Variants in KCNG4 observed in about 807,000 individuals in gnomAD.
The protein encoded by KCNG4 is potassium voltage-gated channel modifier subfamily G member 4.
Under a neutral mutation model 28.2 loss-of-function variants are expected in KCNG4, and 30 were observed. The observed-to-expected ratio is 1.06, with a 90% CI of 0.80 to 1.44. The LOEUF (loss-of-function observed/expected upper bound fraction) is 1.44. Among genes scored for constraint, KCNG4 ranks in the 40% most tolerant of loss-of-function variants. The pLI is 0.00. For missense variants in KCNG4, 879 were observed against 712.3 expected (o/e 1.23, Z -2.66); for synonymous variants, 375 against 315.5 (o/e 1.19, Z -2.00).
chr16:84,230,500 G>A (rs1253417721), intron 2 of KCNG4, among the ~76,000 whole-genome samples: 2 of 150,530 alleles, frequency 1.3e-5, no homozygotes, highest in South Asian at 2.1e-4. Flanking sequence ...TGAACCCGGG[G>A]GGCAGAGCTT....
At chr16:84,225,069 C>T (rs545208317) in intron 2 of KCNG4, among the ~76,000 whole-genome samples, 1 of 152,302 alleles carries the variant, frequency 6.6e-6, no homozygotes, top group Admixed American at 6.5e-5. Flanking sequence ...GTGCACCTAG[C>T]AGGCACAGGA....
At chr16:84,238,407 C>T (rs534385298) in intron 1 of KCNG4, among the ~76,000 whole-genome samples, 23 of 152,322 alleles carry the variant, frequency 1.5e-4, no homozygotes, top group South Asian at 1.2e-3. Context: ...CGCTTAATCC[C>T]TCTTGGTCGC....
At chr16:84,231,678 C>A (rs957288287) in intron 2 of KCNG4, among the ~76,000 whole-genome samples, 1 of 152,108 alleles carries the variant, frequency 6.6e-6, no homozygotes, top group African/African-American at 2.4e-5. Context: ...CAGGGGTAGA[C>A]GTGACCTGCC....
At position 84,237,380 on chromosome 16, in the gene KCNG4, T is replaced by C. The variant is rs374739788; in HGVS notation, c.106A>G (p.Ile36Val). 7 of 1,538,404 alleles carry C rather than the reference T, an allele frequency of 4.6e-6. No individual in the cohort carries two copies. Among genetic ancestry groups the C allele is most frequent in the Middle Eastern group, 1.8e-4 (1 of 5,712 alleles). Residue 36 changes from isoleucine (I) to valine (V), a missense_variant, in exon 2 of 3, where the codon ATC (isoleucine) becomes GTC (valine). Coordinates refer to ENST00000308251, the MANE Select transcript of KCNG4 (RefSeq NM_172347.3). ...LLSSPMETPSIKGLYYRRVRK... is the reference protein window; with the variant it reads ...LLSSPMETPSVKGLYYRRVRK... ...ACCCTCCGGTAGTAAAGGCCCTTGA[T>C]GGACGGCGTCTCCATGGGGCTGGAC...
At chr16:84,223,531 C>G (rs1248996565) in intron 2 of KCNG4, among the ~76,000 whole-genome samples, 1 of 152,124 alleles carries the variant, frequency 6.6e-6, no homozygotes, top group African/African-American at 2.4e-5. Context: ...TTTGTTATAG[C>G]TGCCAGCCTG....
intron 2 of KCNG4, among the ~76,000 whole-genome samples, chr16:84,234,568 A>G (rs1302734175): frequency 6.6e-6 from 1 of 152,244 alleles, no homozygotes; most frequent in African/African-American, 2.4e-5. Context: ...GTAGAAAAAC[A>G]GAAACTGCTT....
rs1467713298 is a variant in KCNG4 at position 84,226,826 on chromosome 16, C to T, written c.757-3806G>A. On this transcript the variant is annotated intron_variant, in intron 2 of 2. Transcript: ENST00000308251. This position sits in a 1 kb window ranked among gnomAD's most constrained non-coding sequence, Gnocchi z 4.1. ...CCTGGTAGGCGGAGGTTGCAGTGAG[C>T]CGAGATTGCACCACTGCACTGCAGC... 6.6e-6 allele frequency among the ~76,000 whole-genome samples: 1 copy of T among 151,788 alleles called. No individual in the cohort carries two copies. The highest frequency in any genetic ancestry group is 1.9e-4 in the East Asian group (1 of 5,184).
Position 84,236,940 on chromosome 16 carries a change from G to A in KCNG4, c.546C>T (p.Asp182=), listed in dbSNP as rs560149231. The A allele has an allele frequency of 1.3e-5, 21 of 1,613,560 alleles. No homozygotes were observed. The highest frequency in any genetic ancestry group is 3.3e-5 in the South Asian group (3 of 91,080). The change falls in exon 2 of 3, where the codon GAC becomes GAT. Residue 182 remains aspartate, a synonymous_variant. Coordinates refer to ENST00000308251, the MANE Select transcript of KCNG4 (RefSeq NM_172347.3). The part of the protein sequence containing the change: ...LEELAKLHRE[D]VLRQQRETRR... The stretch of plus-strand genomic sequence containing the variant: ...GGGTCTCCCTCTGCTGCCTCAGTAC[G>A]TCCTCCCTGTGCAGCTTGGCCAGCT...
intron 2 of KCNG4, chr16:84,235,659 T>G (rs1354480772): frequency 6.6e-6 from 1 of 152,222 alleles, no homozygotes; most frequent in Non-Finnish European, 1.5e-5. Flanking sequence ...CTGATCCTGT[T>G]GTCTTGCCCT....
At position 84,236,875 on chromosome 16, in the gene KCNG4, A is replaced by G. The variant is rs748079530; in HGVS notation, c.611T>C (p.Met204Thr). ...ASHSSRWGLC[M>T]NRLREMVENP... is the part of the protein sequence containing the mutation. ...TTCCACCATCTCGCGCAGCCGGTTC[A>G]TGCACAGGCCCCAGCGCGAGGAGTG... The change falls in exon 2 of 3, where the codon ATG becomes ACG. Residue 204 changes from methionine (M) to threonine (T), a missense_variant. Met to Thr is a moderately conservative substitution (Grantham distance 81). Coordinates refer to ENST00000308251, the MANE Select transcript of KCNG4 (RefSeq NM_172347.3). 5 of 1,613,460 alleles carry G rather than the reference A, an allele frequency of 3.1e-6. No individual in the cohort carries two copies. The Admixed American group carries it at 6.7e-5, about 22-fold the overall frequency.
intron 2 of KCNG4, among the ~76,000 whole-genome samples, chr16:84,230,567 G>C (rs9932548): frequency 6.6e-6 from 1 of 151,936 alleles, no homozygotes; most frequent in African/African-American, 2.4e-5. Context: ...GCAAGACTCC[G>C]TCTCAAAATA....
rs1567624628 is a variant in KCNG4, at chr16:84,226,462, C to T, written c.757-3442G>A. ...GGGTGCATCCGTTTATTAAATTCTACACCTAGGATTTGTGCATTTCAGTGT... is the reference window on the plus strand; with the variant it reads ...GGGTGCATCCGTTTATTAAATTCTATACCTAGGATTTGTGCATTTCAGTGT... On this transcript the variant is annotated intron_variant, in intron 2 of 2. Transcript: ENST00000308251. The surrounding 1 kb of genome is among the most constrained non-coding windows in gnomAD (Gnocchi z 4.1). Among the ~76,000 whole-genome samples, 2 of 152,158 alleles carry T rather than the reference C, an allele frequency of 1.3e-5. No homozygotes were observed. Among genetic ancestry groups the T allele is most frequent in the Non-Finnish European group, 2.9e-5 (2 of 68,028 alleles).
chr16:84,227,411 T>C (rs192047668), intron 2 of KCNG4, among the ~76,000 whole-genome samples: 2,459 of 152,098 alleles, frequency 0.016, 84 homozygotes, highest in African/African-American at 0.057. Flanking sequence ...ACCCCATCTC[T>C]ACTAAAAATA....
chr16:84,237,501 G>T lies in KCNG4; in HGVS notation c.-16C>A, dbSNP rs1173105564. ...GCATGGGCATTGCTGAAGACCACCA[G>T]GTAGGAAGCGCTGGGTTTACCAGTC... On this transcript the variant is annotated 5_prime_UTR_variant, in exon 2 of 3. The change creates a new upstream start codon in the 5' untranslated region. Transcript: ENST00000308251. The T allele has an allele frequency of 6.8e-7, 1 of 1,477,534 alleles. No individual in the cohort carries two copies. The allele number at this position is 1,477,534 out of a possible 1,614,324, so 91.5% of individuals were successfully genotyped here.
Position 84,239,710 on chromosome 16 carries a change from C to T in KCNG4, c.-81G>A, listed in dbSNP as rs1444396856. On this transcript the variant is annotated 5_prime_UTR_variant, in exon 1 of 3. It introduces an in-frame stop codon into an upstream open reading frame of the 5' UTR. Transcript: ENST00000308251. Reference sequence around the variant, plus strand: ...AGCCAGTTTCCAGCTGTTTCTCTGCCAGGCAAGGGGAGCCCATCTCTTGGT... The same window carrying T: ...AGCCAGTTTCCAGCTGTTTCTCTGCTAGGCAAGGGGAGCCCATCTCTTGGT... 1 of 152,122 alleles carries T rather than the reference C, an allele frequency of 6.6e-6. No homozygotes were observed. Among genetic ancestry groups the T allele is most frequent in the Non-Finnish European group, 1.5e-5 (1 of 68,036 alleles). The allele number at this position is 152,122 out of a possible 1,614,324, so 9.4% of individuals were successfully genotyped here.
chr16:84,219,529 C>G lies in KCNG4; in HGVS notation c.*2688G>C, dbSNP rs527634581. On this transcript the variant is annotated 3_prime_UTR_variant, in exon 3 of 3. Transcript: ENST00000308251. ...GGATCACGAGGTCAGGAGATGGAGACCATCCTGGCTAACATGGTGAAACCC... is the reference window on the plus strand; with the variant it reads ...GGATCACGAGGTCAGGAGATGGAGAGCATCCTGGCTAACATGGTGAAACCC... The G allele has an allele frequency of 7.0e-6, 1 of 143,120 alleles. No individual in the cohort carries two copies. The highest frequency in any genetic ancestry group is 1.5e-5 in the Non-Finnish European group (1 of 66,018). The allele number at this position is 143,120 out of a possible 1,614,324, so 8.9% of individuals were successfully genotyped here.
At position 84,222,517 on chromosome 16, in the gene KCNG4, GC is replaced by G; in HGVS notation, c.1259del (p.Gly420AlafsTer21). 1 of 1,613,464 alleles carries G rather than the reference GC, an allele frequency of 6.2e-7. No homozygotes were observed. Among genetic ancestry groups the G allele is most frequent in the Non-Finnish European group, 8.5e-7 (1 of 1,179,808 alleles). The part of the protein sequence containing the change: ...WWAIISMTTV[G>X]YGDMVPRSVP... ...CACTGCGGGGCACCATGTCCCCGTA[GC>G]CCACCGTTGTCATGGAGATGATGGC... On this transcript the variant is annotated frameshift_variant, in exon 3 of 3. Coordinates refer to ENST00000308251, the MANE Select transcript of KCNG4 (RefSeq NM_172347.3). LOFTEE classifies it high-confidence loss of function.
chr16:84,236,643 T>C (rs1904957175), intron 2 of KCNG4, 87 bp downstream of exon 2: 2 of 1,322,780 alleles, frequency 1.5e-6, no homozygotes, highest in South Asian at 2.9e-5. Context: ...TTTTAAGATC[T>C]GAAGACATTT....
At chr16:84,230,559 A>G (rs1377790080) in intron 2 of KCNG4, among the ~76,000 whole-genome samples, 2 of 152,070 alleles carry the variant, frequency 1.3e-5, no homozygotes, top group Non-Finnish European at 2.9e-5. Context: ...GTGACAGAGC[A>G]AGACTCCGTC....
Sources: allele counts gnomAD v4.1 joint callset (sites outside exome capture counted in the v4.1 genomes callset), GRCh38; gene constraint gnomAD v4.1.1; non-coding constraint Gnocchi (gnomAD v3.1); transcripts MANE v1.5; gene names NCBI Gene and HGNC (gene_info 2026-07-23, HGNC 2026-07-21).